Variants in PLXDC2 observed in about 807,000 individuals in gnomAD.
The protein encoded by PLXDC2 is plexin domain-containing protein 2.
In PLXDC2, 40 loss-of-function variants were observed where a neutral mutation model predicts 68.9. The ratio of observed to expected loss-of-function variants is 0.58; its 90% CI spans 0.45 to 0.76. PLXDC2 has a LOEUF of 0.76. PLXDC2 is among the 30% of genes least tolerant of loss of function. PLXDC2 has a pLI of 0.00. For synonymous variants in PLXDC2, 243 were observed against 234.2 expected (o/e 1.04, Z -0.34); for missense variants, 644 against 661.9 (o/e 0.97, Z 0.30).
chr10:20,148,330 A>G (rs1210753189), intron 6 of PLXDC2, among the ~76,000 whole-genome samples: 1 of 151,806 alleles, frequency 6.6e-6, no homozygotes, highest in African/African-American at 2.4e-5. Flanking sequence ...AAGCATTTAT[A>G]GACACGAAAA....
chr10:20,223,438 G>A (rs11011887), intron 12 of PLXDC2, among the ~76,000 whole-genome samples: 27,836 of 150,564 alleles, frequency 0.18, 4,251 homozygotes, highest in African/African-American at 0.42. Flanking sequence ...TCAGCCTCCC[G>A]AGTAGCTGGG....
chr10:20,069,029 A>G (rs1198616257), intron 4 of PLXDC2, among the ~76,000 whole-genome samples: 1 of 152,164 alleles, frequency 6.6e-6, no homozygotes. Flanking sequence ...AAGTAATTGA[A>G]AGAAATTCCA....
chr10:20,207,059 A>C (rs1174513557), intron 9 of PLXDC2, among the ~76,000 whole-genome samples: 1 of 152,166 alleles, frequency 6.6e-6, no homozygotes, highest in African/African-American at 2.4e-5. Flanking sequence ...TGGCCTCTAA[A>C]AAATGCTAAA....
At chr10:20,199,420 A>G (rs1317064773) in intron 9 of PLXDC2, among the ~76,000 whole-genome samples, 1 of 152,020 alleles carries the variant, frequency 6.6e-6, no homozygotes, top group Admixed American at 6.6e-5. Flanking sequence ...AAAAAGAAAC[A>G]TAAGTAAGAG....
chr10:19,885,239 G>C (rs918598419), intron 1 of PLXDC2, among the ~76,000 whole-genome samples: 10 of 151,840 alleles, frequency 6.6e-5, no homozygotes, highest in African/African-American at 2.2e-4. Context: ...GTTCATTGTA[G>C]ATTCTGGATA....
intron 3 of PLXDC2, among the ~76,000 whole-genome samples, chr10:20,053,233 A>G (rs1835934771): frequency 6.6e-6 from 1 of 152,124 alleles, no homozygotes; most frequent in African/African-American, 2.4e-5. Context: ...ATTTGATTAC[A>G]TGTGCTTTCA....
At chr10:20,126,424 T>TACGTATATAGAACAC (rs1564325043) in intron 4 of PLXDC2, among the ~76,000 whole-genome samples, 8 of 143,992 alleles carry the variant, frequency 5.6e-5, no homozygotes, top group African/African-American at 2.0e-4. Flanking sequence ...ACACGTTATA[T>TACGTATATAGAACAC]ATGTATATAC....
chr10:20,229,723 C>T (rs982354857), intron 12 of PLXDC2, among the ~76,000 whole-genome samples: 2 of 152,052 alleles, frequency 1.3e-5, no homozygotes, highest in South Asian at 4.1e-4. Context: ...TTCTTCAGAG[C>T]TCGAATTATT....
chr10:19,876,943 C>T (rs1000989756), intron 1 of PLXDC2, among the ~76,000 whole-genome samples: 3 of 152,140 alleles, frequency 2.0e-5, no homozygotes, highest in African/African-American at 7.2e-5. Flanking sequence ...CGTATCTGAT[C>T]TTCTGGTAAT....
At chr10:19,974,216 T>G (rs962236580) in intron 1 of PLXDC2, among the ~76,000 whole-genome samples, 1 of 152,214 alleles carries the variant, frequency 6.6e-6, no homozygotes, top group African/African-American at 2.4e-5. Context: ...GGATTACTTA[T>G]GTCATGTTTG....
intron 12 of PLXDC2, among the ~76,000 whole-genome samples, chr10:20,227,602 C>T (rs1022059774): frequency 1.3e-5 from 2 of 152,078 alleles, no homozygotes; most frequent in African/African-American, 2.4e-5. Flanking sequence ...TGTTTCTCAA[C>T]CTCACCAGCC....
intron 2 of PLXDC2, among the ~76,000 whole-genome samples, chr10:20,031,668 C>G (rs1835502898): frequency 6.6e-6 from 1 of 151,976 alleles, no homozygotes. Context: ...TAGGAGGTGA[C>G]AAAGCCAAAT....
chr10:20,042,035 C>T (rs191178926), intron 2 of PLXDC2, among the ~76,000 whole-genome samples: 256 of 152,304 alleles, frequency 1.7e-3, no homozygotes, highest in African/African-American at 5.4e-3. Flanking sequence ...GCAACACCAA[C>T]ATTCAATCCA....
chr10:20,001,983 C>A lies in PLXDC2; in HGVS notation c.321C>A (p.Ile107=). 6.2e-7 allele frequency: 1 copy of A among 1,611,014 alleles called. No homozygotes were observed. The highest frequency in any genetic ancestry group is 8.5e-7 in the Non-Finnish European group (1 of 1,179,380). The change falls in exon 2 of 14, where the codon ATC becomes ATA. Residue 107 remains isoleucine, a synonymous_variant. Coordinates refer to ENST00000377252, the MANE Select transcript of PLXDC2 (RefSeq NM_032812.9). The part of the protein sequence containing the change: ...LDDGQDNNTQ[I]EEDTDHNYYI... ...ATGGGCAGGACAATAACACTCAGAT[C>A]GAGGTAGATAAATAGTCTGGGTAAT...
At chr10:20,118,324 G>T (rs1489932100) in intron 4 of PLXDC2, among the ~76,000 whole-genome samples, 1 of 152,102 alleles carries the variant, frequency 6.6e-6, no homozygotes, top group South Asian at 2.1e-4. Context: ...TTTTGTTATG[G>T]TTATTTTGGC....
chr10:20,009,848 A>G (rs928474818), intron 2 of PLXDC2, among the ~76,000 whole-genome samples: 1 of 151,664 alleles, frequency 6.6e-6, no homozygotes, highest in Non-Finnish European at 1.5e-5. Flanking sequence ...CTGCTATACA[A>G]TATTAAATAC....
At chr10:19,886,543 G>A (rs1837849593) in intron 1 of PLXDC2, among the ~76,000 whole-genome samples, 2 of 152,130 alleles carry the variant, frequency 1.3e-5, no homozygotes, top group South Asian at 4.1e-4. Flanking sequence ...TTTTTCAATA[G>A]ATGCAGAAAA....
chr10:20,242,477 A>G (rs552785393), intron 12 of PLXDC2, among the ~76,000 whole-genome samples: 1 of 152,306 alleles, frequency 6.6e-6, no homozygotes, highest in East Asian at 1.9e-4. Flanking sequence ...TTTGGAGATA[A>G]GGTTAACTGA....
intron 1 of PLXDC2, among the ~76,000 whole-genome samples, chr10:19,906,129 G>C (rs1450635456): frequency 6.6e-6 from 1 of 152,152 alleles, no homozygotes; most frequent in East Asian, 1.9e-4. Context: ...ATAAAGAAGA[G>C]AGAGGGACTA....
Sources: gnomAD v4.1 joint callset for allele counts (sites outside exome capture counted in the v4.1 genomes callset) on GRCh38, gnomAD v4.1.1 for gene constraint, MANE v1.5 for transcripts, NCBI Gene and HGNC (gene_info 2026-07-23, HGNC 2026-07-21) for gene names.